The following FAM220A variants were observed in gnomAD, a reference collection of about 807,000 sequenced individuals.
FAM220A encodes protein FAM220A.
For missense variants in FAM220A, 392 were observed against 321.6 expected (o/e 1.22, Z -1.68); for synonymous variants, 141 against 130.7 (o/e 1.08, Z -0.54).
At chr7:6,339,245 A>T (rs1781804396) in intron 1 of FAM220A, among the ~76,000 whole-genome samples, 1 of 152,010 alleles carries the variant, frequency 6.6e-6, no homozygotes, top group African/African-American at 2.4e-5. Flanking sequence ...AGGTGGGGAG[A>T]TCACTTGAGC....
chr7:6,333,315 G>A (rs1245803503), intron 1 of FAM220A, among the ~76,000 whole-genome samples: 1 of 152,138 alleles, frequency 6.6e-6, no homozygotes, highest in Non-Finnish European at 1.5e-5. Context: ...AGCCAGCCGA[G>A]AAGCTTCAGC....
chr7:6,347,606 T>C (rs533583359), intron 1 of FAM220A, among the ~76,000 whole-genome samples: 21 of 152,172 alleles, frequency 1.4e-4, no homozygotes, highest in Middle Eastern at 3.4e-3. Flanking sequence ...AGCTGAATGG[T>C]TCCAGGCCTC....
chr7:6,339,558 A>T (rs1781808918), intron 1 of FAM220A, among the ~76,000 whole-genome samples: 1 of 150,544 alleles, frequency 6.6e-6, no homozygotes, highest in Non-Finnish European at 1.5e-5. Flanking sequence ...ATCTCAGCTC[A>T]CTGCAAGCTC....
intron 1 of FAM220A, among the ~76,000 whole-genome samples, chr7:6,341,362 G>T (rs1335884545): frequency 1.3e-5 from 2 of 149,680 alleles, no homozygotes; most frequent in South Asian, 2.1e-4. Flanking sequence ...AGAATGGTGT[G>T]AACCGGGAGG....
At chr7:6,346,436 G>A (rs139165795) in intron 1 of FAM220A, among the ~76,000 whole-genome samples, 1,998 of 152,086 alleles carry the variant, frequency 0.013, 54 homozygotes, top group African/African-American at 0.046. Flanking sequence ...GCACAATCTC[G>A]GCTCACTGCA....
At chr7:6,346,448 C>T (rs1265421825) in intron 1 of FAM220A, among the ~76,000 whole-genome samples, 1 of 152,254 alleles carries the variant, frequency 6.6e-6, no homozygotes, top group Middle Eastern at 3.4e-3. Flanking sequence ...CTCACTGCAA[C>T]GTCTGCCTCC....
intron 1 of FAM220A, among the ~76,000 whole-genome samples, chr7:6,348,240 G>GGGGC: frequency 6.6e-6 from 1 of 150,838 alleles, no homozygotes; most frequent in Admixed American, 6.6e-5. Context: ...TAAGGGGGGG[G>GGGGC]GTTGCAAAGT....
At chr7:6,339,241 G>A (rs930201024) in intron 1 of FAM220A, among the ~76,000 whole-genome samples, 3 of 152,118 alleles carry the variant, frequency 2.0e-5, no homozygotes, top group African/African-American at 7.2e-5. Context: ...GCCGAGGTGG[G>A]GAGATCACTT....
chr7:6,332,707 A>T (rs1420642454), intron 1 of FAM220A, among the ~76,000 whole-genome samples: 4 of 152,138 alleles, frequency 2.6e-5, no homozygotes, highest in Non-Finnish European at 5.9e-5. Context: ...CTCAAAAAAT[A>T]AAAATTAAAA....
chr7:6,339,864 G>A (rs1781816897), intron 1 of FAM220A, among the ~76,000 whole-genome samples: 1 of 151,476 alleles, frequency 6.6e-6, no homozygotes, highest in Admixed American at 6.6e-5. Context: ...TGCAGAGGCC[G>A]GGTGCCAGCT....
At position 6,348,862 on chromosome 7, in the gene FAM220A, G is replaced by A. The variant is rs1266908363; in HGVS notation, c.-371C>T. ...GTGCTCAGGGAGCGAAGGAGGCGGC[G>A]GCTAGACCGGCGGGCGGGCGGGCCG... On this transcript the variant is annotated 5_prime_UTR_variant, in exon 1 of 2. Coordinates refer to ENST00000313324, the MANE Select transcript of FAM220A (RefSeq NM_001037163.2). 5.1e-6 allele frequency: 2 copies of A among 389,094 alleles called. No individual in the cohort carries two copies. Among genetic ancestry groups the A allele is most frequent in the East Asian group, 3.7e-5 (1 of 27,288 alleles). The allele number at this position is 389,094 out of a possible 1,614,324, so 24.1% of individuals were successfully genotyped here.
intron 1 of FAM220A, among the ~76,000 whole-genome samples, chr7:6,344,369 T>C (rs4724798): frequency 0.45 from 67,995 of 152,020 alleles, 16,112 homozygotes; most frequent in East Asian, 0.88. Context: ...CCCACCCCCA[T>C]GATGTGACAT....
intron 1 of FAM220A, among the ~76,000 whole-genome samples, chr7:6,332,747 C>T (rs1282396621): frequency 6.6e-6 from 1 of 152,162 alleles, no homozygotes; most frequent in African/African-American, 2.4e-5. Flanking sequence ...AAAGGATCAG[C>T]TACAGCTGAA....
chr7:6,338,010 G>T (rs1781779048), intron 1 of FAM220A, among the ~76,000 whole-genome samples: 2 of 151,794 alleles, frequency 1.3e-5, no homozygotes, highest in Admixed American at 6.6e-5. Context: ...CACCATGTTG[G>T]CCAGGCTGCT....
At chr7:6,340,286 G>C (rs1194477047) in intron 1 of FAM220A, among the ~76,000 whole-genome samples, 2 of 152,114 alleles carry the variant, frequency 1.3e-5, no homozygotes, top group Admixed American at 6.6e-5. Context: ...AGCTGCTGTC[G>C]ATCAGAATCA....
At position 6,335,461 on chromosome 7, in the gene FAM220A, C is replaced by T. The variant is rs564786768; in HGVS notation, c.-81-4226G>A. On this transcript the variant is annotated intron_variant, in intron 1 of 1. Coordinates refer to ENST00000313324, the MANE Select transcript of FAM220A (RefSeq NM_001037163.2). ...CAGGCTGGTCTTGATGTCCTGACCT[C>T]AGGTGATCTGCCCGCCTCAGCCTCC... is the stretch of plus-strand genomic sequence containing the variant. Among the ~76,000 whole-genome samples, 43 of 152,150 alleles carry T rather than the reference C, an allele frequency of 2.8e-4. 1 individual carries two copies. Among genetic ancestry groups the T allele is most frequent in the Admixed American group, 1.8e-3 (27 of 15,246 alleles).
intron 1 of FAM220A, among the ~76,000 whole-genome samples, chr7:6,346,886 C>G (rs1285818553): frequency 6.6e-6 from 1 of 152,148 alleles, no homozygotes; most frequent in African/African-American, 2.4e-5. Flanking sequence ...AGGGAGCAAC[C>G]CAAGGACCGT....
intron 1 of FAM220A, among the ~76,000 whole-genome samples, chr7:6,345,505 G>C (rs1456893950): frequency 6.6e-6 from 1 of 152,112 alleles, no homozygotes; most frequent in African/African-American, 2.4e-5. Flanking sequence ...ATACAGTAGG[G>C]TAGACTAGAG....
intron 1 of FAM220A, among the ~76,000 whole-genome samples, chr7:6,342,703 C>A (rs1245899157): frequency 2.0e-5 from 3 of 151,916 alleles, no homozygotes; most frequent in Non-Finnish European, 4.4e-5. Flanking sequence ...TGAAAGCAAC[C>A]CAAAAGTCCA....
Sources: gnomAD v4.1 joint callset for allele counts (sites outside exome capture counted in the v4.1 genomes callset) on GRCh38, gnomAD v4.1.1 for gene constraint, MANE v1.5 for transcripts, NCBI Gene and HGNC (gene_info 2026-07-23, HGNC 2026-07-21) for gene names.